THAP4: variants seen among roughly 807,000 people sequenced by gnomAD.
The protein encoded by THAP4 is peroxynitrite isomerase THAP4.
In THAP4, 18 loss-of-function variants were observed where a neutral mutation model predicts 48.1. The observed-to-expected ratio is 0.37, with a 90% CI of 0.26 to 0.56. The LOEUF is 0.56. Among genes scored for constraint, THAP4 ranks in the 20% least tolerant of loss-of-function variants. The pLI is 0.78. For synonymous variants in THAP4, 345 were observed against 324.9 expected, an observed-to-expected ratio of 1.06 and a Z score of -0.66; for missense variants, 656 against 774.9, an observed-to-expected ratio of 0.85 and a Z score of 1.82.
intron 4 of THAP4, among the ~76,000 whole-genome samples, 186 bp downstream of exon 4, chr2:241,602,784 G>A (rs2067130916): frequency 6.6e-6 from 1 of 152,212 alleles, no homozygotes; most frequent in Admixed American, 6.5e-5. Flanking sequence ...TGTGCCGGAG[G>A]CCCCTACAGC....
At chr2:241,585,028 G>A in intron 5 of THAP4, 1 of 331,784 alleles carries the variant, frequency 3.0e-6, no homozygotes, top group Non-Finnish European at 5.7e-6. Context: ...GCTAAGGAGG[G>A]TCGGGCCTGG....
intron 5 of THAP4, among the ~76,000 whole-genome samples, chr2:241,590,806 GATA>G: frequency 6.6e-6 from 1 of 151,654 alleles, no homozygotes; most frequent in African/African-American, 2.4e-5. Context: ...CTCGGCTGAT[GATA>G]ATGGGCACTA....
chr2:241,604,511 A>G (rs1347774444), intron 3 of THAP4, among the ~76,000 whole-genome samples: 1 of 151,870 alleles, frequency 6.6e-6, no homozygotes, highest in African/African-American at 2.4e-5. Flanking sequence ...TCAGCCTCTC[A>G]AAGTGCTGGG....
chr2:241,619,756 T>TGAGTGAGG (rs2067390936), intron 2 of THAP4, among the ~76,000 whole-genome samples: 1 of 111,864 alleles, frequency 8.9e-6, no homozygotes, highest in African/African-American at 3.6e-5. Flanking sequence ...GTGAGTGAGT[T>TGAGTGAGG]GGTGAGTGAG....
At chr2:241,624,784 G>A (rs1669449880) in intron 2 of THAP4, among the ~76,000 whole-genome samples, 1 of 152,188 alleles carries the variant, frequency 6.6e-6, no homozygotes, top group African/African-American at 2.4e-5. Flanking sequence ...TCTTTCTGGT[G>A]AGCAGCCCTC....
At chr2:241,637,350 G>A (rs2067692888), upstream of THAP4, 1 of 1,316,416 alleles carries the variant, frequency 7.6e-7, no homozygotes, top group East Asian at 5.2e-5. Flanking sequence ...GGCGCGCCGA[G>A]CACGTCCGTA....
At position 241,627,677 on chromosome 2, in the gene THAP4, GA is replaced by G. The variant is rs530050063; in HGVS notation, c.1240+5239del. Among the ~76,000 whole-genome samples the G allele has an allele frequency of 2.1e-4, 32 of 152,322 alleles. 2 individuals are homozygous for G. The South Asian group carries it at 6.2e-3, about 30-fold the overall frequency. On this transcript the variant is annotated intron_variant, in intron 2 of 5. Transcript: ENST00000407315. Reference sequence around the variant, plus strand: ...AGAATGACCCAAAGAGTCTGTCACTGAAGAACAAATCCACACGGACAGCAAG... The same window carrying G: ...AGAATGACCCAAAGAGTCTGTCACTGAGAACAAATCCACACGGACAGCAAG...
At chr2:241,606,594 A>C (rs2067187114) in intron 2 of THAP4, 121 bp from the exon 3 acceptor site, 2 of 975,874 alleles carry the variant, frequency 2.0e-6, no homozygotes, top group Non-Finnish European at 2.9e-6. Flanking sequence ...ATCCTGGGGG[A>C]CCTGTCAAGA....
In THAP4 at chr2:241,602,989, A is replaced by G. The variant is rs1211749848; in HGVS notation, c.1491T>C (p.Phe497=). 6.2e-7 allele frequency: 1 copy of G among 1,613,862 alleles called. No homozygotes were observed. Among genetic ancestry groups the G allele is most frequent in the Admixed American group, 1.7e-5 (1 of 60,006 alleles). ...RLKPDTNKVA[F]VSAQNTGVVE... is the part of the protein sequence containing the mutation. Reference sequence around the variant, plus strand: ...CCTCACCTGTGTTCTGGGCGCTGACAAAGGCCACCTTGTTGGTGTCGGGCT... The same window carrying G: ...CCTCACCTGTGTTCTGGGCGCTGACGAAGGCCACCTTGTTGGTGTCGGGCT... Residue 497 remains phenylalanine (F), a synonymous_variant, in exon 4 of 6, where the codon TTT becomes TTC. Transcript: ENST00000407315.
At position 241,606,340 on chromosome 2, in the gene THAP4, G is replaced by A. The variant is rs761365080; in HGVS notation, c.1374C>T (p.His458=). The change falls in exon 3 of 6, where the codon CAC becomes CAT. Residue 458 remains histidine, a synonymous_variant. Transcript: ENST00000407315. ...FQYLEEVHIS[H]VGQPMLNFSF... Reference sequence around the variant, plus strand: ...AGAAGTTCAGCATGGGCTGGCCCACGTGGGAGATGTGAACCTCCTCCAGGT... The same window carrying A: ...AGAAGTTCAGCATGGGCTGGCCCACATGGGAGATGTGAACCTCCTCCAGGT... The A allele has an allele frequency of 7.0e-6, 11 of 1,564,488 alleles. No homozygotes were observed. The highest frequency in any genetic ancestry group is 2.7e-5 in the African/African-American group (2 of 73,652).
chr2:241,610,270 G>A lies in THAP4; in HGVS notation c.1241-3797C>T, dbSNP rs904767466. 6.6e-6 allele frequency among the ~76,000 whole-genome samples: 1 copy of A among 152,158 alleles called. No homozygotes were observed. The highest frequency in any genetic ancestry group is 2.4e-5 in the African/African-American group (1 of 41,450). On this transcript the variant is annotated intron_variant, in intron 2 of 5. Transcript: ENST00000407315. The surrounding 1 kb of genome is among the most constrained non-coding windows in gnomAD (Gnocchi z 4.2). The stretch of plus-strand genomic sequence containing the variant: ...TCCCGGGCGGCCCCCTCCAGCCTCC[G>A]CCGGCCCCGCCCCGGAAGCGCAGCC...
chr2:241,625,839 A>G, intron 2 of THAP4, among the ~76,000 whole-genome samples: 1 of 150,338 alleles, frequency 6.7e-6, no homozygotes, highest in Non-Finnish European at 1.5e-5. Flanking sequence ...AAAGAAAACT[A>G]CAGACAAATA....
At chr2:241,589,100 C>T (rs1220190976) in intron 5 of THAP4, among the ~76,000 whole-genome samples, 4 of 151,608 alleles carry the variant, frequency 2.6e-5, no homozygotes, top group Admixed American at 1.3e-4. Flanking sequence ...GTAATCCGAG[C>T]TACTTGGGAG....
At chr2:241,584,853 G>T in intron 5 of THAP4, 128 bp from the exon 6 acceptor site, 1 of 1,233,122 alleles carries the variant, frequency 8.1e-7, no homozygotes, top group Non-Finnish European at 1.2e-6. Context: ...TGCCAGAGGA[G>T]GGTAGACACA....
intron 5 of THAP4, among the ~76,000 whole-genome samples, chr2:241,593,903 C>T (rs1374322445): frequency 6.6e-6 from 1 of 152,140 alleles, no homozygotes; most frequent in Non-Finnish European, 1.5e-5. Context: ...CCAGGCTGGT[C>T]TTGAACTCCT....
intron 5 of THAP4, among the ~76,000 whole-genome samples, chr2:241,598,069 A>G (rs970669227): frequency 6.6e-6 from 1 of 152,232 alleles, no homozygotes; most frequent in Non-Finnish European, 1.5e-5. Flanking sequence ...AACATCAGTA[A>G]AAGAGAAGTG....
intron 3 of THAP4, among the ~76,000 whole-genome samples, chr2:241,604,174 A>G (rs2067151818): frequency 1.3e-5 from 2 of 152,074 alleles, no homozygotes; most frequent in Admixed American, 1.3e-4. Context: ...CCTGGGTTGA[A>G]ATGATTCTCC....
chr2:241,595,505 C>T (rs1226329681), intron 5 of THAP4, among the ~76,000 whole-genome samples: 1 of 151,966 alleles, frequency 6.6e-6, no homozygotes, highest in Non-Finnish European at 1.5e-5. Flanking sequence ...AGCATGATGG[C>T]ACGTGCCTGT....
Position 241,633,263 on chromosome 2 carries a change from C to G in THAP4, c.894G>C (p.Gln298His). The change falls in exon 2 of 6, where the codon CAG becomes CAC. Residue 298 changes from glutamine (Q) to histidine (H), a missense_variant. By Grantham distance (24) the Gln-to-His change is conservative (BLOSUM62 0). Around this residue, in one of 4 missense-constraint regions of THAP4, gnomAD observed 391 missense variants for 412.4 expected, o/e 0.95. Transcript: ENST00000407315. This position sits in a 1 kb window ranked among gnomAD's most constrained non-coding sequence, Gnocchi z 7.5. ...SLTATPQKPS[Q>H]SPSAPPADVT... The stretch of plus-strand genomic sequence containing the variant: ...CGTCGGCAGGAGGGGCAGAGGGGCT[C>G]TGGGAAGGCTTCTGCGGTGTCGCGG... 1 of 1,611,180 alleles carries G rather than the reference C, an allele frequency of 6.2e-7. No individual in the cohort carries two copies.
Sources: allele counts gnomAD v4.1 joint callset (sites outside exome capture counted in the v4.1 genomes callset), GRCh38; gene constraint gnomAD v4.1.1; regional missense constraint gnomAD v4.1.1; non-coding constraint Gnocchi (gnomAD v3.1); transcripts MANE v1.5; gene names NCBI Gene and HGNC (gene_info 2026-07-23, HGNC 2026-07-21).